Variants in SNTG2 observed in about 807,000 individuals in gnomAD.
SNTG2 encodes the protein syntrophin gamma 2.
In SNTG2, 74 loss-of-function variants were observed where a neutral mutation model predicts 70.9. The ratio of observed to expected loss-of-function variants is 1.04; its 90% CI spans 0.86 to 1.27. The LOEUF is 1.27. Among genes scored for constraint, SNTG2 ranks in the 50% most tolerant of loss-of-function variants. SNTG2 has a pLI of 0.00. For synonymous variants in SNTG2, 278 were observed against 273.8 expected, an observed-to-expected ratio of 1.02 and a Z score of -0.15; for missense variants, 717 against 690.7, an observed-to-expected ratio of 1.04 and a Z score of -0.43.
At chr2:1,363,739 G>T (rs11894739) in intron 16 of SNTG2, among the ~76,000 whole-genome samples, 40,752 of 152,098 alleles carry the variant, frequency 0.27, 5,824 homozygotes, top group East Asian at 0.54. Flanking sequence ...GGTAATACTT[G>T]GTTAGAAAAT....
chr2:1,120,538 T>C (rs897023173), intron 4 of SNTG2, among the ~76,000 whole-genome samples: 8 of 152,212 alleles, frequency 5.3e-5, no homozygotes, highest in Non-Finnish European at 7.4e-5. Context: ...GACACACACA[T>C]ATTAAAAGTG....
intron 1 of SNTG2, among the ~76,000 whole-genome samples, chr2:1,066,883 G>A (rs1663191725): frequency 6.6e-6 from 1 of 152,012 alleles, no homozygotes; most frequent in Non-Finnish European, 1.5e-5. Context: ...CTCTCAGTTG[G>A]TCGTCAACTT....
chr2:1,109,078 G>A (rs571952244), intron 4 of SNTG2, among the ~76,000 whole-genome samples: 2 of 151,968 alleles, frequency 1.3e-5, no homozygotes, highest in African/African-American at 2.4e-5. Context: ...GAGCTCCTTG[G>A]TAATAGTGGA....
chr2:1,258,825 A>T (rs1678260584), intron 12 of SNTG2, among the ~76,000 whole-genome samples: 1 of 152,258 alleles, frequency 6.6e-6, no homozygotes, highest in Non-Finnish European at 1.5e-5. Context: ...GAACTACAAC[A>T]GCTCAGACCA....
chr2:1,139,754 A>G (rs183349459), intron 6 of SNTG2, among the ~76,000 whole-genome samples: 3 of 150,670 alleles, frequency 2.0e-5, no homozygotes, highest in African/African-American at 4.9e-5. Flanking sequence ...ACTTGAGCCA[A>G]GGAGTTTGAG....
chr2:1,100,794 C>T (rs1272501861), intron 4 of SNTG2, among the ~76,000 whole-genome samples: 1 of 152,020 alleles, frequency 6.6e-6, no homozygotes, highest in Non-Finnish European at 1.5e-5. Context: ...TGAAAAGTCT[C>T]AGAAAAGAGA....
intron 9 of SNTG2, among the ~76,000 whole-genome samples, chr2:1,228,666 G>A (rs1467036146): frequency 6.6e-6 from 1 of 152,340 alleles, no homozygotes; most frequent in Non-Finnish European, 1.5e-5. Flanking sequence ...TCCGTTCGTT[G>A]TCAGGTGTGC....
At position 1,066,987 on chromosome 2, in the gene SNTG2, C is replaced by T. The variant is rs535245822; in HGVS notation, c.73-16531C>T. On this transcript the variant is annotated intron_variant, in intron 1 of 16. Coordinates refer to ENST00000308624, the MANE Select transcript of SNTG2 (RefSeq NM_018968.4). ...CTGCACTGTACGTTTGTTAGCTGTT[C>T]CTGGGCCAAATGCATTGTTGCTGTT... 3.9e-4 allele frequency among the ~76,000 whole-genome samples: 59 copies of T among 152,262 alleles called. No homozygotes were observed. The Middle Eastern group carries it at 0.014, about 35-fold the overall frequency.
chr2:1,032,327 G>T (rs1660886231), intron 1 of SNTG2, among the ~76,000 whole-genome samples: 1 of 152,120 alleles, frequency 6.6e-6, no homozygotes, highest in Non-Finnish European at 1.5e-5. Context: ...ACCGAGAAAT[G>T]ACAGATTACA....
chr2:1,184,404 T>C lies in SNTG2; in HGVS notation c.591+11221T>C, dbSNP rs1220702266. Among the ~76,000 whole-genome samples the C allele has an allele frequency of 5.3e-5, 8 of 152,038 alleles. No homozygotes were observed. The East Asian group carries it at 7.7e-4, about 15-fold the overall frequency. On this transcript the variant is annotated intron_variant, in intron 8 of 16. Coordinates refer to ENST00000308624, the MANE Select transcript of SNTG2 (RefSeq NM_018968.4). ...ACTAAAACGTATAGATTTTCAGACA[T>C]TGAATATAAAAAAACTATGATGACT...
chr2:1,074,465 A>G (rs1418105561), intron 1 of SNTG2, among the ~76,000 whole-genome samples: 1 of 152,224 alleles, frequency 6.6e-6, no homozygotes, highest in African/African-American at 2.4e-5. Flanking sequence ...TAAAACAGGT[A>G]GAATAAACAG....
intron 2 of SNTG2, among the ~76,000 whole-genome samples, chr2:1,096,627 C>T (rs1665409739): frequency 6.6e-6 from 1 of 152,202 alleles, no homozygotes; most frequent in African/African-American, 2.4e-5. Flanking sequence ...CCTCCAGGCT[C>T]ATCCATGTTG....
chr2:1,347,252 A>C (rs1660341430), intron 16 of SNTG2, among the ~76,000 whole-genome samples: 1 of 152,106 alleles, frequency 6.6e-6, no homozygotes, highest in South Asian at 2.1e-4. Context: ...TGGGTCCTTG[A>C]GTAAGAAGAT....
chr2:1,197,525 G>GTGTA (rs1356176935), intron 8 of SNTG2, among the ~76,000 whole-genome samples: 3 of 96,830 alleles, frequency 3.1e-5, no homozygotes, highest in Non-Finnish European at 6.6e-5. Flanking sequence ...ATGTGTGTGT[G>GTGTA]TGTGTGTGTG....
At chr2:1,346,860 TG>T (rs1660314838) in intron 16 of SNTG2, among the ~76,000 whole-genome samples, 1 of 152,154 alleles carries the variant, frequency 6.6e-6, no homozygotes, top group Non-Finnish European at 1.5e-5. Context: ...ATTCTTTAGC[TG>T]GCAGTTGGTT....
intron 11 of SNTG2, among the ~76,000 whole-genome samples, chr2:1,242,515 G>T (rs1235940598): frequency 6.6e-6 from 1 of 152,138 alleles, no homozygotes; most frequent in Non-Finnish European, 1.5e-5. Flanking sequence ...GAGCACTTTT[G>T]TCTGGGACAA....
intron 8 of SNTG2, among the ~76,000 whole-genome samples, chr2:1,198,886 G>A (rs533875999): frequency 1.8e-4 from 28 of 152,050 alleles, no homozygotes; most frequent in Middle Eastern, 3.4e-3. Context: ...GGTTGGATCA[G>A]TAATAAACTC....
rs563376394 is a variant in SNTG2 at position 1,229,732 on chromosome 2, A to C, written c.720-8156A>C. 2.2e-4 allele frequency among the ~76,000 whole-genome samples: 33 copies of C among 152,324 alleles called. 1 individual carries two copies. The highest frequency in any genetic ancestry group is 7.9e-4 in the African/African-American group (33 of 41,576). On this transcript the variant is annotated intron_variant, in intron 9 of 16. Coordinates refer to ENST00000308624, the MANE Select transcript of SNTG2 (RefSeq NM_018968.4). Reference sequence around the variant, plus strand: ...TCAGGCGTGGCGGGCTGCAGGTCCTAAGTCCTGCCCCGCCGGAAGGCAGCC... The same window carrying C: ...TCAGGCGTGGCGGGCTGCAGGTCCTCAGTCCTGCCCCGCCGGAAGGCAGCC...
intron 6 of SNTG2, 71 bp downstream of exon 6, chr2:1,137,880 A>G: frequency 7.3e-7 from 1 of 1,364,942 alleles, no homozygotes; most frequent in Non-Finnish European, 1.0e-6. Context: ...TCTATAGTTG[A>G]TATTTCACTG....
Sources: allele counts gnomAD v4.1 joint callset (sites outside exome capture counted in the v4.1 genomes callset), GRCh38; gene constraint gnomAD v4.1.1; transcripts MANE v1.5; gene names NCBI Gene and HGNC (gene_info 2026-07-23, HGNC 2026-07-21).